Variants in GRIA2 observed in about 807,000 individuals in gnomAD.
GRIA2 encodes glutamate ionotropic receptor AMPA type subunit 2.
A neutral mutation model predicts 97.3 loss-of-function variants in GRIA2; 14 were observed. The observed-to-expected ratio is 0.14, with a 90% CI of 0.10 to 0.23. The LOEUF is 0.23. Among genes scored for constraint, GRIA2 ranks in the 10% least tolerant of loss-of-function variants. The pLI, the probability that GRIA2 is intolerant of heterozygous loss-of-function variation, is 1.00. For synonymous variants in GRIA2, 412 were observed against 387.8 expected (o/e 1.06, Z -0.73); for missense variants, 558 against 1,069.8 (o/e 0.52, Z 6.67).
In GRIA2 at chr4:157,227,556, A is replaced by G. The variant is rs909700861; in HGVS notation, c.229+5749A>G. On this transcript the variant is annotated intron_variant, in intron 2 of 15. Coordinates refer to ENST00000264426, the MANE Select transcript of GRIA2 (RefSeq NM_001083619.3). ...AGAAATAAAGTCTAAATTGAGATAG[A>G]GAACTGTCCTTTAAACATTTTCTTA... Among the ~76,000 whole-genome samples, 25 of 152,356 alleles carry G rather than the reference A, an allele frequency of 1.6e-4. No individual in the cohort carries two copies. In the Middle Eastern group the frequency reaches 0.01, roughly 62 times the overall value.
intron 2 of GRIA2, among the ~76,000 whole-genome samples, chr4:157,227,062 A>T (rs1225246205): frequency 1.3e-5 from 2 of 152,190 alleles, no homozygotes; most frequent in African/African-American, 4.8e-5. Context: ...TGGTTGAAAT[A>T]TTCTATTTTG....
intron 5 of GRIA2, among the ~76,000 whole-genome samples, chr4:157,318,770 G>GA (rs1159838046): frequency 6.6e-6 from 1 of 151,816 alleles, no homozygotes; most frequent in Non-Finnish European, 1.5e-5. Flanking sequence ...CCAAGAACAA[G>GA]AAAAAAAGGT....
In GRIA2 at chr4:157,333,086, T is replaced by C. The variant is rs527751151; in HGVS notation, c.1050+100T>C. On this transcript the variant is annotated intron_variant, in intron 7 of 15. Transcript: ENST00000264426. ...CTTGTCTTATTCCTTGTGTCTAATA[T>C]ACAGGCAATGTTCTTTTCTAACAAC... is the stretch of plus-strand genomic sequence containing the variant. 8.8e-5 allele frequency: 90 copies of C among 1,021,372 alleles called. 1 individual carries two copies. In the South Asian group the frequency reaches 1.1e-3, roughly 12 times the overall value. 63.3% of individuals were successfully genotyped at this position (1,021,372 alleles called of 1,614,324 possible).
At chr4:157,241,043 C>T (rs1168948665) in intron 2 of GRIA2, among the ~76,000 whole-genome samples, 1 of 152,114 alleles carries the variant, frequency 6.6e-6, no homozygotes, top group Non-Finnish European at 1.5e-5. Flanking sequence ...ATGAACTCAT[C>T]ATTTTTTATG....
At chr4:157,275,743 C>T (rs1174983404) in intron 2 of GRIA2, among the ~76,000 whole-genome samples, 3 of 152,068 alleles carry the variant, frequency 2.0e-5, no homozygotes, top group Non-Finnish European at 4.4e-5. Flanking sequence ...TCTTTTGGTA[C>T]CAGTACCATG....
intron 2 of GRIA2, among the ~76,000 whole-genome samples, chr4:157,268,872 A>G (rs1731888802): frequency 6.6e-6 from 1 of 152,098 alleles, no homozygotes; most frequent in Non-Finnish European, 1.5e-5. Flanking sequence ...AATTGTCTGG[A>G]AGTCACATAA....
At chr4:157,237,554 A>C (rs1730310129) in intron 2 of GRIA2, among the ~76,000 whole-genome samples, 1 of 152,140 alleles carries the variant, frequency 6.6e-6, no homozygotes, top group Admixed American at 6.5e-5. Flanking sequence ...TTCTGGGACT[A>C]TAGGTGTGAG....
chr4:157,248,131 T>C (rs1258020371), intron 2 of GRIA2, among the ~76,000 whole-genome samples: 1 of 151,294 alleles, frequency 6.6e-6, no homozygotes, highest in Non-Finnish European at 1.5e-5. Context: ...TAGAATTTGA[T>C]ATCCAGTCGA....
chr4:157,352,419 T>TA (rs1298410135), intron 12 of GRIA2, among the ~76,000 whole-genome samples: 2 of 152,056 alleles, frequency 1.3e-5, no homozygotes, highest in African/African-American at 4.8e-5. Context: ...CATAAACTGT[T>TA]AAAAATACTT....
chr4:157,263,251 T>C (rs1043649354), intron 2 of GRIA2, among the ~76,000 whole-genome samples: 4 of 152,100 alleles, frequency 2.6e-5, no homozygotes, highest in East Asian at 1.9e-4. Context: ...TCTCATTCCC[T>C]GGTGAATACT....
At chr4:157,242,940 G>A (rs775190279) in intron 2 of GRIA2, among the ~76,000 whole-genome samples, 2 of 152,178 alleles carry the variant, frequency 1.3e-5, no homozygotes, top group Non-Finnish European at 2.9e-5. Flanking sequence ...GCTTTAAAAT[G>A]CTAGACAGCA....
In GRIA2 at chr4:157,358,189, G is replaced by A. The variant is rs28438437; in HGVS notation, c.2044-1707G>A. On this transcript the variant is annotated intron_variant, in intron 12 of 15. Coordinates refer to ENST00000264426, the MANE Select transcript of GRIA2 (RefSeq NM_001083619.3). ...ATGCTATAACTAATCTTTCAATTTG[G>A]TTGAGAATATGAAGGCAGACTATAG... is the stretch of plus-strand genomic sequence containing the variant. Among the ~76,000 whole-genome samples, 347 of 152,196 alleles carry A rather than the reference G, an allele frequency of 2.3e-3. 1 individual carries two copies. The highest frequency in any genetic ancestry group is 7.9e-3 in the African/African-American group (327 of 41,538).
At chr4:157,313,981 A>C (rs556003409) in intron 4 of GRIA2, among the ~76,000 whole-genome samples, 2 of 152,294 alleles carry the variant, frequency 1.3e-5, no homozygotes, top group South Asian at 2.1e-4. Context: ...CTATTCACTA[A>C]GTGGAAGTGG....
intron 6 of GRIA2, among the ~76,000 whole-genome samples, chr4:157,326,120 A>G (rs923138061): frequency 2.0e-5 from 3 of 152,078 alleles, no homozygotes; most frequent in Non-Finnish European, 2.9e-5. Context: ...CAACCTAAGC[A>G]ACTTCCTACT....
chr4:157,351,297 C>T lies in GRIA2; in HGVS notation c.2044-8599C>T, dbSNP rs186673527. Among the ~76,000 whole-genome samples, 228 of 151,932 alleles carry T rather than the reference C, an allele frequency of 1.5e-3. 3 individuals carry two copies. The highest frequency in any genetic ancestry group is 3.8e-4 in the Non-Finnish European group (26 of 67,948). On this transcript the variant is annotated intron_variant, in intron 12 of 15. Coordinates refer to ENST00000264426, the MANE Select transcript of GRIA2 (RefSeq NM_001083619.3). The stretch of plus-strand genomic sequence containing the variant: ...ATGTTCATGATAGATCTTGAATGTG[C>T]CAATTGAATAACACTATTAAAAATA...
At chr4:157,227,157 T>C (rs1020455399) in intron 2 of GRIA2, among the ~76,000 whole-genome samples, 3 of 152,176 alleles carry the variant, frequency 2.0e-5, no homozygotes, top group African/African-American at 7.2e-5. Context: ...TCTTATGCTA[T>C]GCTATTTCTG....
intron 2 of GRIA2, among the ~76,000 whole-genome samples, chr4:157,248,567 G>A (rs7690852): frequency 5.3e-3 from 5 of 940 alleles, no homozygotes; most frequent in Non-Finnish European, 7.6e-3. Context: ...ATATATATAC[G>A]TGTGTATATA....
In GRIA2 at chr4:157,333,065, T is replaced by C. The variant is rs78067001; in HGVS notation, c.1050+79T>C. On this transcript the variant is annotated intron_variant, in intron 7 of 15. Coordinates refer to ENST00000264426, the MANE Select transcript of GRIA2 (RefSeq NM_001083619.3). ...CTTCCTGCTAAATTAGTCATCCTTG[T>C]CTTATTCCTTGTGTCTAATATACAG... 431 of 1,185,586 alleles carry C rather than the reference T, an allele frequency of 3.6e-4. No homozygotes were observed. The African/African-American group carries it at 5.9e-3, about 16-fold the overall frequency. 73.4% of individuals were successfully genotyped at this position (1,185,586 alleles called of 1,614,324 possible).
At chr4:157,333,435 T>C in intron 8 of GRIA2, 82 bp downstream of exon 8, 1 of 631,454 alleles carries the variant, frequency 1.6e-6, no homozygotes, top group Non-Finnish European at 2.8e-6. Flanking sequence ...CAGAGAATTC[T>C]GGAGATGTGT....
Sources: gnomAD v4.1 joint callset for allele counts (sites outside exome capture counted in the v4.1 genomes callset) on GRCh38, gnomAD v4.1.1 for gene constraint, MANE v1.5 for transcripts, NCBI Gene and HGNC (gene_info 2026-07-23, HGNC 2026-07-21) for gene names.